CACNA1B: variants seen among roughly 807,000 people sequenced by gnomAD.
The protein encoded by CACNA1B is voltage-dependent N-type calcium channel subunit alpha-1B.
CACNA1B carries 70 observed loss-of-function variants against 247.2 expected under a neutral mutation model. The ratio of observed to expected loss-of-function variants is 0.28; its 90% CI spans 0.23 to 0.35. CACNA1B has a LOEUF of 0.35. Among genes scored for constraint, CACNA1B ranks in the 10% least tolerant of loss-of-function variants. CACNA1B has a pLI of 1.00. For missense variants in CACNA1B, 2,367 were observed against 3,197.4 expected, an observed-to-expected ratio of 0.74 and a Z score of 6.26; for synonymous variants, 1,231 against 1,294.4, an observed-to-expected ratio of 0.95 and a Z score of 1.05.
rs1466683099 is a variant in CACNA1B, at chr9:137,950,942, G to A, written c.967-1332G>A. On this transcript the variant is annotated intron_variant, in intron 6 of 46. Transcript: ENST00000371372. This position sits in a 1 kb window ranked among gnomAD's most constrained non-coding sequence, Gnocchi z 4.8. The stretch of plus-strand genomic sequence containing the variant: ...AAGTGGAAGTCCTGTTTTTTAAGAT[G>A]AGAGGAATTAGAGCCAGTTGGCTAC... Among the ~76,000 whole-genome samples, 1 of 152,220 alleles carries A rather than the reference G, an allele frequency of 6.6e-6. No individual in the cohort carries two copies.
chr9:137,922,533 G>A (rs981054106), intron 6 of CACNA1B, among the ~76,000 whole-genome samples: 2 of 152,180 alleles, frequency 1.3e-5, no homozygotes, highest in Non-Finnish European at 2.9e-5. Flanking sequence ...CTTGGCAAGG[G>A]CGGTCTCAGT....
At chr9:137,933,484 C>A (rs1304033534) in intron 6 of CACNA1B, among the ~76,000 whole-genome samples, 3 of 152,188 alleles carry the variant, frequency 2.0e-5, no homozygotes, top group Admixed American at 2.0e-4. Context: ...GATGCAACTC[C>A]AGAAAGGTTG....
At chr9:137,941,720 A>G (rs1318667577) in intron 6 of CACNA1B, among the ~76,000 whole-genome samples, 1 of 152,096 alleles carries the variant, frequency 6.6e-6, no homozygotes, top group East Asian at 1.9e-4. Context: ...GCAAAAAGAT[A>G]AAAGTGGAGA....
Position 137,891,621 on chromosome 9 carries a change from C to A in CACNA1B, c.530+8738C>A. ...ACGTGGTGGTGGACACCCCTTCCTG[C>A]TCTCCTTCTCCTCCTTCACACTGGA... On this transcript the variant is annotated intron_variant, in intron 3 of 46. Transcript: ENST00000371372. This position sits in a 1 kb window ranked among gnomAD's most constrained non-coding sequence, Gnocchi z 4.3. The A allele has an allele frequency of 4.8e-6, 1 of 207,548 alleles. No individual in the cohort carries two copies. The highest frequency in any genetic ancestry group is 9.7e-6 in the Non-Finnish European group (1 of 102,902). 12.9% of individuals were successfully genotyped at this position (207,548 alleles called of 1,614,324 possible).
chr9:138,013,002 A>T, intron 17 of CACNA1B, 127 bp from the exon 18 acceptor site: 1 of 663,062 alleles, frequency 1.5e-6, no homozygotes, highest in Non-Finnish European at 2.5e-6. Flanking sequence ...GCCTGTCTCC[A>T]CTGGATAGAG....
Position 138,120,665 on chromosome 9 carries a change from G to C in CACNA1B, c.6273G>C (p.Pro2091=). ...PSSAVGPGLP[P]GEGPTGCRRE... is the part of the protein sequence containing the mutation. The stretch of plus-strand genomic sequence containing the variant: ...GTGCTGTGGGGCCGGGGCTGCCCCC[G>C]GGAGAGGGGCCTACAGGCTGCCGGC... The change falls in exon 46 of 47, where the codon CCG becomes CCC. Residue 2091 remains proline, a synonymous_variant. Coordinates refer to ENST00000371372, the MANE Select transcript of CACNA1B (RefSeq NM_000718.4). 2 of 1,509,460 alleles carry C rather than the reference G, an allele frequency of 1.3e-6. No homozygotes were observed. Among genetic ancestry groups the C allele is most frequent in the Non-Finnish European group, 1.8e-6 (2 of 1,134,864 alleles). 93.5% of individuals were successfully genotyped at this position (1,509,460 alleles called of 1,614,324 possible).
At chr9:137,938,294 C>A (rs1957693335) in intron 6 of CACNA1B, among the ~76,000 whole-genome samples, 1 of 151,964 alleles carries the variant, frequency 6.6e-6, no homozygotes, top group African/African-American at 2.4e-5. Flanking sequence ...CAAAATACAC[C>A]AAAATGGAAC....
intron 6 of CACNA1B, among the ~76,000 whole-genome samples, chr9:137,923,028 CA>C (rs1957505126): frequency 6.6e-6 from 1 of 152,218 alleles, no homozygotes; most frequent in Non-Finnish European, 1.5e-5. Context: ...TGGACAAAAC[CA>C]CACCAAATGT....
intron 40 of CACNA1B, 44 bp downstream of exon 40, chr9:138,112,549 G>A: frequency 2.3e-6 from 3 of 1,300,828 alleles, no homozygotes; most frequent in Non-Finnish European, 3.4e-6. Flanking sequence ...CACCTTTACT[G>A]TCCCACCCAG....
At chr9:137,975,051 C>T (rs1165579945) in intron 11 of CACNA1B, among the ~76,000 whole-genome samples, 1 of 152,184 alleles carries the variant, frequency 6.6e-6, no homozygotes, top group Non-Finnish European at 1.5e-5. Context: ...GTGGCCTCAC[C>T]CAGCTCTGGA....
At chr9:138,028,315 G>A (rs1012999191) in intron 20 of CACNA1B, among the ~76,000 whole-genome samples, 2 of 152,070 alleles carry the variant, frequency 1.3e-5, no homozygotes, top group Non-Finnish European at 2.9e-5. Flanking sequence ...GAGCCACCGT[G>A]CCTGGCCCCA....
chr9:137,969,332 G>C (rs1452280555), intron 10 of CACNA1B, among the ~76,000 whole-genome samples: 1 of 152,218 alleles, frequency 6.6e-6, no homozygotes, highest in South Asian at 2.1e-4. Context: ...TGCAAATACG[G>C]CTGTTGGCAT....
rs1227728544 is a variant in CACNA1B at position 137,952,487 on chromosome 9, T to C, written c.1070+110T>C. On this transcript the variant is annotated intron_variant, in intron 7 of 46. Transcript: ENST00000371372. The surrounding 1 kb of genome is among the most constrained non-coding windows in gnomAD (Gnocchi z 4.8). ...GGGGGCCTGGCCCATGGGTGCCCTC[T>C]GTGGTGGTTGCCCCTGGTGTTCTGG... The C allele has an allele frequency of 1.3e-5, 11 of 850,732 alleles. No homozygotes were observed. Among genetic ancestry groups the C allele is most frequent in the Non-Finnish European group, 3.9e-6 (2 of 514,684 alleles). The allele number at this position is 850,732 out of a possible 1,614,324, so 52.7% of individuals were successfully genotyped here. A position where few individuals can be genotyped will look rare whatever the true frequency, so the allele number is the denominator to read the frequency against.
chr9:137,983,083 G>C (rs955187431), intron 12 of CACNA1B, among the ~76,000 whole-genome samples: 1 of 152,216 alleles, frequency 6.6e-6, no homozygotes, highest in African/African-American at 2.4e-5. Context: ...CAGTGACTTC[G>C]TAAGAGCATT....
In CACNA1B at chr9:137,954,879, T is replaced by TGTGTGTGTGTGTGTGTGTGTGA. The variant is rs1440887333; in HGVS notation, c.1071-818_1071-817insTGTGTGTGTGTGTGTGTGTGAG. ...GCTTGTGTGTGTGTGTGTGTGTGTG[T>TGTGTGTGTGTGTGTGTGTGTGA]GAGAGAGAGAGAGAGAGAGAGAGGG... On this transcript the variant is annotated intron_variant, in intron 7 of 46. Coordinates refer to ENST00000371372, the MANE Select transcript of CACNA1B (RefSeq NM_000718.4). The surrounding 1 kb of genome is among the most constrained non-coding windows in gnomAD (Gnocchi z 4.1). Among the ~76,000 whole-genome samples, 115 of 145,272 alleles carry TGTGTGTGTGTGTGTGTGTGTGA rather than the reference T, an allele frequency of 7.9e-4. No individual in the cohort carries two copies. The highest frequency in any genetic ancestry group is 2.8e-3 in the African/African-American group (110 of 38,718).
In CACNA1B at chr9:137,976,071, C is replaced by A. The variant is rs371336583; in HGVS notation, c.1656+52C>A. 5.6e-5 allele frequency: 61 copies of A among 1,090,000 alleles called. No homozygotes were observed. The African/African-American group carries it at 6.0e-4, about 11-fold the overall frequency. 67.5% of individuals were successfully genotyped at this position (1,090,000 alleles called of 1,614,324 possible). ...CAGGCTGTATCCTTTCCTGCAGGTG[C>A]ACACAGCCCCCTCCCATAGGCCATG... On this transcript the variant is annotated intron_variant, in intron 12 of 46. Transcript: ENST00000371372.
intron 6 of CACNA1B, among the ~76,000 whole-genome samples, chr9:137,928,862 A>G (rs1276248490): frequency 1.3e-5 from 2 of 152,208 alleles, no homozygotes; most frequent in African/African-American, 4.8e-5. Flanking sequence ...GACATTTTAT[A>G]TAAATGGAAT....
rs149958910 is a variant in CACNA1B at position 137,956,458 on chromosome 9, G to A, written c.1187-313G>A. On this transcript the variant is annotated intron_variant, in intron 8 of 46. Transcript: ENST00000371372. ...GGATCACCTGAGGTCAGGAGTTCAAGACTATCCTGGCCAACATGGTGAAAC... is the reference window on the plus strand; with the variant it reads ...GGATCACCTGAGGTCAGGAGTTCAAAACTATCCTGGCCAACATGGTGAAAC... Among the ~76,000 whole-genome samples, 2,245 of 152,236 alleles carry A rather than the reference G, an allele frequency of 0.015. 22 individuals are homozygous for A. Among genetic ancestry groups the A allele is most frequent in the Admixed American group, 0.03 (461 of 15,296 alleles).
chr9:138,120,500 G>T, intron 45 of CACNA1B, 128 bp downstream of exon 45: 2 of 1,374,206 alleles, frequency 1.5e-6, no homozygotes, highest in Non-Finnish European at 1.9e-6. Flanking sequence ...AGCAGGGTGG[G>T]ACTGAGGCCC....
Sources: allele counts gnomAD v4.1 joint callset (sites outside exome capture counted in the v4.1 genomes callset), GRCh38; gene constraint gnomAD v4.1.1; non-coding constraint Gnocchi (gnomAD v3.1); transcripts MANE v1.5; gene names NCBI Gene and HGNC (gene_info 2026-07-23, HGNC 2026-07-21).